The following PARN variants were observed in gnomAD, a reference collection of about 807,000 sequenced individuals.
PARN encodes the protein poly(A)-specific ribonuclease, also known as poly(A)-specific ribonuclease PARN.
Under a neutral mutation model 102.8 loss-of-function variants are expected in PARN, and 71 were observed. That is an observed-to-expected ratio of 0.69 (90% CI 0.57 to 0.84). PARN has a LOEUF of 0.84. Ranked by LOEUF, PARN falls within the 40% of genes least tolerant of loss-of-function variation. PARN has a pLI of 0.00. For synonymous variants in PARN, 261 were observed against 252.9 expected, an observed-to-expected ratio of 1.03 and a Z score of -0.30; for missense variants, 782 against 760.9, an observed-to-expected ratio of 1.03 and a Z score of -0.33.
intron 22 of PARN, among the ~76,000 whole-genome samples, chr16:14,451,576 C>T (rs1323924642): frequency 1.3e-5 from 2 of 149,428 alleles, no homozygotes. Context: ...CCAGAAAAGG[C>T]TAAACTAATC....
At chr16:14,540,962 C>CA (rs1212906236) in intron 21 of PARN, among the ~76,000 whole-genome samples, 1 of 151,602 alleles carries the variant, frequency 6.6e-6, no homozygotes, top group Non-Finnish European at 1.5e-5. Context: ...AAAAAACAAA[C>CA]AAAAAAATAG....
At chr16:14,589,827 AC>A (rs1475229781) in intron 13 of PARN, among the ~76,000 whole-genome samples, 2 of 152,168 alleles carry the variant, frequency 1.3e-5, no homozygotes, top group African/African-American at 4.8e-5. Context: ...AGACTGCACC[AC>A]TGCACTCCAG....
At chr16:14,548,076 C>T (rs1398755098) in intron 21 of PARN, among the ~76,000 whole-genome samples, 1 of 151,942 alleles carries the variant, frequency 6.6e-6, no homozygotes, top group African/African-American at 2.4e-5. Flanking sequence ...AACCCTGTCC[C>T]TACTAAAAAT....
chr16:14,476,824 C>G (rs1963079107), intron 22 of PARN, among the ~76,000 whole-genome samples: 1 of 152,102 alleles, frequency 6.6e-6, no homozygotes, highest in Non-Finnish European at 1.5e-5. Context: ...CTTTAAAAAA[C>G]AACACAAAGA....
intron 7 of PARN, among the ~76,000 whole-genome samples, chr16:14,609,610 G>A (rs1489514172): frequency 6.6e-6 from 1 of 152,108 alleles, no homozygotes; most frequent in East Asian, 1.9e-4. Flanking sequence ...TTTATTTGGC[G>A]TATTTTGGGG....
chr16:14,597,955 C>A (rs1029440416), intron 12 of PARN, among the ~76,000 whole-genome samples: 1 of 151,928 alleles, frequency 6.6e-6, no homozygotes, highest in Non-Finnish European at 1.5e-5. Context: ...GCCAGCCTGG[C>A]CAACATGGTG....
At chr16:14,617,195 T>C (rs1055582883) in intron 6 of PARN, among the ~76,000 whole-genome samples, 3 of 151,288 alleles carry the variant, frequency 2.0e-5, no homozygotes, top group Non-Finnish European at 4.4e-5. Context: ...CCATCCTGGC[T>C]AACACGGTGA....
chr16:14,562,434 A>G lies in PARN; in HGVS notation c.1263-6725T>C, dbSNP rs568238008. Among the ~76,000 whole-genome samples, 94 of 136,456 alleles carry G rather than the reference A, an allele frequency of 6.9e-4. No individual in the cohort carries two copies. The South Asian group carries it at 0.015, about 22-fold the overall frequency. 89.5% of individuals were successfully genotyped at this position (136,456 alleles called of 152,430 possible). On this transcript the variant is annotated intron_variant, in intron 18 of 23. Transcript: ENST00000437198. ...GGGGTCAGAGCGGGACTCTGTCTCG[A>G]AAAAAAAAAAAAAAAAAACTATGAA...
chr16:14,616,171 AAC>A (rs1191615351), intron 6 of PARN, among the ~76,000 whole-genome samples: 2 of 152,212 alleles, frequency 1.3e-5, no homozygotes, highest in Non-Finnish European at 2.9e-5. Context: ...AGTCTTTCCA[AAC>A]ACTTTTAGAG....
intron 23 of PARN, among the ~76,000 whole-genome samples, chr16:14,445,708 A>G (rs942681710): frequency 6.6e-6 from 1 of 152,198 alleles, no homozygotes; most frequent in African/African-American, 2.4e-5. Context: ...GACTACCGGC[A>G]TGCGCCACCA....
At chr16:14,500,959 G>A (rs567977447) in intron 21 of PARN, among the ~76,000 whole-genome samples, 15 of 152,138 alleles carry the variant, frequency 9.9e-5, no homozygotes, top group Non-Finnish European at 2.2e-4. Flanking sequence ...TCTGTGGCAA[G>A]GAGGTCCATG....
chr16:14,488,209 A>T (rs1048147368), intron 21 of PARN, among the ~76,000 whole-genome samples: 2 of 152,216 alleles, frequency 1.3e-5, no homozygotes, highest in African/African-American at 4.8e-5. Flanking sequence ...AAGAAATTGG[A>T]TTCTTAGTCA....
intron 21 of PARN, among the ~76,000 whole-genome samples, chr16:14,534,449 T>A (rs1041386307): frequency 6.6e-6 from 1 of 152,156 alleles, no homozygotes; most frequent in African/African-American, 2.4e-5. Context: ...CATACCTAAA[T>A]GTGAACTTCA....
rs1192530129 is a variant in PARN at position 14,628,156 on chromosome 16, T to TA, written c.177+15dup. ...TAACATGAGAAAGAAAAAGATTTCCTAGCACATCCACTTGCCTTTTTAAGC... is the reference window on the plus strand; with the variant it reads ...TAACATGAGAAAGAAAAAGATTTCCTAAGCACATCCACTTGCCTTTTTAAGC... On this transcript the variant is annotated intron_variant, in intron 3 of 23. Coordinates refer to ENST00000437198, the MANE Select transcript of PARN (RefSeq NM_002582.4). 2 of 1,436,568 alleles carry TA rather than the reference T, an allele frequency of 1.4e-6. No individual in the cohort carries two copies. Among genetic ancestry groups the TA allele is most frequent in the Non-Finnish European group, 2.0e-6 (2 of 1,022,820 alleles). The allele number at this position is 1,436,568 out of a possible 1,614,324, so 89.0% of individuals were successfully genotyped here.
rs576741726 is a variant in PARN at position 14,596,358 on chromosome 16, A to G, written c.841-2980T>C. 3.9e-5 allele frequency among the ~76,000 whole-genome samples: 6 copies of G among 152,208 alleles called. No individual in the cohort carries two copies. The East Asian group carries it at 1.2e-3, about 29-fold the overall frequency. ...CAACAAAGTAAACAGTAAAAATCCT[A>G]GATAATAATCTAGTATTATTATTAA... On this transcript the variant is annotated intron_variant, in intron 12 of 23. Transcript: ENST00000437198.
chr16:14,520,252 C>A (rs1965667376), intron 21 of PARN, among the ~76,000 whole-genome samples: 1 of 152,152 alleles, frequency 6.6e-6, no homozygotes, highest in Admixed American at 6.5e-5. Context: ...AGAGACACCA[C>A]AGACATTTCA....
At chr16:14,516,782 A>G (rs1351460948) in intron 21 of PARN, among the ~76,000 whole-genome samples, 1 of 152,242 alleles carries the variant, frequency 6.6e-6, no homozygotes, top group Admixed American at 6.5e-5. Context: ...TGAGAATTAA[A>G]TGTACACTTA....
intron 22 of PARN, among the ~76,000 whole-genome samples, chr16:14,475,498 C>CT (rs1367508241): frequency 6.6e-6 from 1 of 152,236 alleles, no homozygotes; most frequent in Admixed American, 6.5e-5. Flanking sequence ...CAAGCCCTCT[C>CT]TTTTTTCCGG....
chr16:14,483,860 A>G (rs777905848), intron 21 of PARN, among the ~76,000 whole-genome samples: 1 of 152,146 alleles, frequency 6.6e-6, no homozygotes, highest in Non-Finnish European at 1.5e-5. Context: ...TCTTATTTCA[A>G]TAGTTTTGGG....
Sources: allele counts gnomAD v4.1 joint callset (sites outside exome capture counted in the v4.1 genomes callset), GRCh38; gene constraint gnomAD v4.1.1; transcripts MANE v1.5; gene names NCBI Gene and HGNC (gene_info 2026-07-23, HGNC 2026-07-21).